The following ABCG2 variants were observed in gnomAD, a reference collection of about 807,000 sequenced individuals.
ABCG2 encodes the protein ATP binding cassette subfamily G member 2 (JR blood group), also known as broad substrate specificity ATP-binding cassette transporter ABCG2.
ABCG2 carries 80 observed loss-of-function variants against 73.5 expected under a neutral mutation model. The observed-to-expected ratio is 1.09, with a 90% CI of 0.91 to 1.31. The LOEUF is 1.31. Ranked by LOEUF, ABCG2 falls within the 50% of genes most tolerant of loss-of-function variation. ABCG2 has a pLI of 0.00. For synonymous variants in ABCG2, 269 were observed against 282.4 expected (o/e 0.95, Z 0.48); for missense variants, 796 against 786.2 (o/e 1.01, Z -0.15).
At chr4:88,151,147 G>C (rs1211200578) in intron 1 of ABCG2, among the ~76,000 whole-genome samples, 2 of 152,238 alleles carry the variant, frequency 1.3e-5, no homozygotes, top group Non-Finnish European at 2.9e-5. Context: ...GACAGCGGCA[G>C]AAGCTCTGGG....
intron 3 of ABCG2, among the ~76,000 whole-genome samples, 160 bp downstream of exon 3, chr4:88,132,416 G>GA (rs1033569732): frequency 3.9e-4 from 60 of 152,114 alleles, no homozygotes; most frequent in Middle Eastern, 3.4e-3. Flanking sequence ...TGGTCTTTGG[G>GA]AAAAAACCAC....
chr4:88,143,888 T>C (rs768156822), intron 1 of ABCG2, among the ~76,000 whole-genome samples: 61 of 152,236 alleles, frequency 4.0e-4, no homozygotes, highest in Non-Finnish European at 7.1e-4. Context: ...ATAAATAAAA[T>C]ATACCAACTC....
At chr4:88,204,282 G>C (rs1209477665) in intron 1 of ABCG2, among the ~76,000 whole-genome samples, 1 of 152,012 alleles carries the variant, frequency 6.6e-6, no homozygotes, top group Non-Finnish European at 1.5e-5. Flanking sequence ...TTAGCCGGGC[G>C]TGGTGACAGG....
At chr4:88,103,041 AG>A (rs1333385973) in intron 10 of ABCG2, among the ~76,000 whole-genome samples, 2 of 152,188 alleles carry the variant, frequency 1.3e-5, no homozygotes, top group Admixed American at 1.3e-4. Context: ...GGCCTCCCAA[AG>A]TGCTGCAGTT....
chr4:88,214,107 C>T (rs964979855), intron 1 of ABCG2, among the ~76,000 whole-genome samples: 3 of 150,706 alleles, frequency 2.0e-5, no homozygotes, highest in Admixed American at 1.3e-4. Context: ...CCTACCTCAG[C>T]CTCCTAAGTA....
intron 1 of ABCG2, among the ~76,000 whole-genome samples, chr4:88,154,660 A>G (rs2110077821): frequency 6.7e-6 from 1 of 150,302 alleles, no homozygotes; most frequent in East Asian, 1.9e-4. Flanking sequence ...GATCAGAGAG[A>G]TAGTCATGGG....
Position 88,131,123 on chromosome 4 carries a change from T to C in ABCG2, c.469A>G (p.Lys157Glu), listed in dbSNP as rs767723579. The change falls in exon 5 of 16, where the codon AAA becomes GAA. Residue 157 changes from lysine (K) to glutamate (E), a missense_variant. Physicochemically the swap from Lys to Glu is moderately conservative, Grantham distance 56. Coordinates refer to ENST00000237612, the MANE Select transcript of ABCG2 (RefSeq NM_004827.3). ...RLATTMTNHEKNERINRVIQE... is the reference protein window; with the variant it reads ...RLATTMTNHEENERINRVIQE... ...ATGACCCTGTTAATCCGTTCGTTTT[T>C]TTCATGATTCGTCATAGTTGTTGCA... 6.2e-7 allele frequency: 1 copy of C among 1,614,084 alleles called. No homozygotes were observed. The highest frequency in any genetic ancestry group is 1.1e-5 in the South Asian group (1 of 91,080).
At chr4:88,095,930 T>C (rs554003342) in intron 13 of ABCG2, among the ~76,000 whole-genome samples, 6 of 152,204 alleles carry the variant, frequency 3.9e-5, no homozygotes, top group Non-Finnish European at 7.3e-5. Flanking sequence ...TAATGGAAGG[T>C]CAAGAAGCAC....
upstream of ABCG2, among the ~76,000 whole-genome samples, chr4:88,160,539 T>C (rs1269268808): frequency 3.3e-5 from 5 of 151,886 alleles, no homozygotes; most frequent in African/African-American, 1.2e-4. Flanking sequence ...TTATGCAAAG[T>C]AAAAACAAAT....
At chr4:88,187,324 A>C (rs1170982722) in intron 1 of ABCG2, among the ~76,000 whole-genome samples, 4 of 152,096 alleles carry the variant, frequency 2.6e-5, no homozygotes, top group Non-Finnish European at 5.9e-5. Flanking sequence ...AAGAAAGGAT[A>C]AATGTTGACC....
intron 15 of ABCG2, among the ~76,000 whole-genome samples, 181 bp from the exon 16 acceptor site, chr4:88,092,562 A>G (rs1294724345): frequency 1.3e-5 from 2 of 152,220 alleles, no homozygotes; most frequent in Admixed American, 6.5e-5. Flanking sequence ...AACAAACAAC[A>G]TGGACCTAAC....
At chr4:88,171,214 T>C (rs931672233) in intron 1 of ABCG2, among the ~76,000 whole-genome samples, 2 of 149,132 alleles carry the variant, frequency 1.3e-5, no homozygotes, top group African/African-American at 5.0e-5. Context: ...CAAACCCTCA[T>C]GACACGAGTT....
At chr4:88,193,836 C>G (rs1728805740) in intron 1 of ABCG2, among the ~76,000 whole-genome samples, 1 of 152,156 alleles carries the variant, frequency 6.6e-6, no homozygotes, top group Admixed American at 6.5e-5. Context: ...CCTCCACTTC[C>G]TGGATTCAAG....
chr4:88,150,737 G>T (rs1227877406), intron 1 of ABCG2, among the ~76,000 whole-genome samples: 1 of 152,178 alleles, frequency 6.6e-6, no homozygotes, highest in Admixed American at 6.5e-5. Flanking sequence ...AAGCCATCTT[G>T]GGCCACATGC....
intron 1 of ABCG2, among the ~76,000 whole-genome samples, chr4:88,210,184 T>TACACACACACAC (rs36209812): frequency 1.3e-4 from 19 of 149,592 alleles, no homozygotes; most frequent in African/African-American, 4.7e-4. Context: ...TAAGTAATCC[T>TACACACACACAC]ACACACACAC....
chr4:88,106,027 A>AGACG (rs1722744214), intron 10 of ABCG2, among the ~76,000 whole-genome samples: 1 of 152,212 alleles, frequency 6.6e-6, no homozygotes. Context: ...CCACTGTGGA[A>AGACG]GACGGTATAG....
At chr4:88,195,936 G>A (rs1728925783) in intron 1 of ABCG2, among the ~76,000 whole-genome samples, 1 of 152,164 alleles carries the variant, frequency 6.6e-6, no homozygotes, top group Non-Finnish European at 1.5e-5. Context: ...GCCTCTTAGT[G>A]CATGTGCTTG....
intron 1 of ABCG2, among the ~76,000 whole-genome samples, chr4:88,222,605 C>T (rs145947112): frequency 1.3e-5 from 2 of 152,224 alleles, no homozygotes; most frequent in African/African-American, 4.8e-5. Flanking sequence ...TGCCATTGAA[C>T]CTCTTGCCTT....
chr4:88,227,019 G>C (rs1340903119), intron 1 of ABCG2, among the ~76,000 whole-genome samples: 1 of 152,120 alleles, frequency 6.6e-6, no homozygotes, highest in Non-Finnish European at 1.5e-5. Flanking sequence ...GGTTGATATG[G>C]AAGCCTTGAG....
Sources: gnomAD v4.1 joint callset for allele counts (sites outside exome capture counted in the v4.1 genomes callset) on GRCh38, gnomAD v4.1.1 for gene constraint, MANE v1.5 for transcripts, NCBI Gene and HGNC (gene_info 2026-07-23, HGNC 2026-07-21) for gene names.